Variants in WASF1 observed in about 807,000 individuals in gnomAD.
The protein encoded by WASF1 is actin-binding protein WASF1.
Under a neutral mutation model 50.5 loss-of-function variants are expected in WASF1, and 7 were observed. The observed-to-expected ratio is 0.14, with a 90% CI of 0.08 to 0.26. The LOEUF (loss-of-function observed/expected upper bound fraction) is 0.26, where lower values mean the gene tolerates loss of function less well. WASF1 is among the 10% of genes least tolerant of loss of function. The pLI, the probability that WASF1 is intolerant of heterozygous loss-of-function variation, is 1.00. For missense variants in WASF1, 470 were observed against 694.7 expected, an observed-to-expected ratio of 0.68 and a Z score of 3.64; for synonymous variants, 205 against 244.0, an observed-to-expected ratio of 0.84 and a Z score of 1.49.
chr6:110,153,140 CTA>C (rs1276280811), intron 3 of WASF1, among the ~76,000 whole-genome samples: 2 of 152,102 alleles, frequency 1.3e-5, no homozygotes, highest in African/African-American at 4.8e-5. Flanking sequence ...ATACAAGTCT[CTA>C]TGTGGATATG....
chr6:110,143,144 ATC>A (rs558782662), intron 3 of WASF1, among the ~76,000 whole-genome samples: 14 of 152,024 alleles, frequency 9.2e-5, no homozygotes, highest in South Asian at 2.1e-4. Context: ...AATCTTAATA[ATC>A]TGTTTTTAAT....
At chr6:110,117,083 A>C (rs1773847691) in intron 4 of WASF1, among the ~76,000 whole-genome samples, 1 of 152,188 alleles carries the variant, frequency 6.6e-6, no homozygotes. Flanking sequence ...AAATTCGAAA[A>C]AAAAAACAAA....
At chr6:110,160,212 C>G (rs993578901) in intron 3 of WASF1, among the ~76,000 whole-genome samples, 1 of 151,474 alleles carries the variant, frequency 6.6e-6, no homozygotes, top group East Asian at 1.9e-4. Context: ...AAACTATGAG[C>G]AAGGAAGAAT....
chr6:110,133,656 A>G (rs1293346875), intron 3 of WASF1, among the ~76,000 whole-genome samples: 1 of 151,904 alleles, frequency 6.6e-6, no homozygotes, highest in African/African-American at 2.4e-5. Context: ...CCATTTTCTC[A>G]TGTTTTTTGG....
chr6:110,110,918 C>T (rs553710486), intron 5 of WASF1, among the ~76,000 whole-genome samples: 1 of 151,980 alleles, frequency 6.6e-6, no homozygotes, highest in South Asian at 2.1e-4. Context: ...TTAAGTAGTT[C>T]AGCTTTTAGA....
chr6:110,110,587 T>C (rs570569327), intron 5 of WASF1, among the ~76,000 whole-genome samples: 6 of 152,314 alleles, frequency 3.9e-5, no homozygotes, highest in African/African-American at 1.4e-4. Flanking sequence ...TAACAGACTA[T>C]TGTGGTGAAG....
intron 2 of WASF1, among the ~76,000 whole-genome samples, chr6:110,167,211 C>T (rs963208141): frequency 4.0e-5 from 6 of 151,708 alleles, no homozygotes; most frequent in Non-Finnish European, 7.4e-5. Context: ...TTACATAATA[C>T]TTGATAATAA....
intron 3 of WASF1, among the ~76,000 whole-genome samples, chr6:110,132,148 G>A (rs1774705564): frequency 6.6e-6 from 1 of 151,702 alleles, no homozygotes; most frequent in Non-Finnish European, 1.5e-5. Flanking sequence ...TTATAATACT[G>A]GAACCACAAT....
intron 5 of WASF1, among the ~76,000 whole-genome samples, chr6:110,109,407 A>G (rs1267401350): frequency 6.6e-6 from 1 of 152,210 alleles, no homozygotes; most frequent in Non-Finnish European, 1.5e-5. Flanking sequence ...AAAATAAAAA[A>G]CATACAAAAA....
intron 7 of WASF1, 93 bp from the exon 8 acceptor site, chr6:110,105,672 C>T: frequency 1.7e-6 from 2 of 1,162,630 alleles, no homozygotes; most frequent in Non-Finnish European, 2.5e-6. Flanking sequence ...AACATCAACA[C>T]TGAAAAAGAC....
chr6:110,167,139 C>A (rs2114614069), intron 2 of WASF1, among the ~76,000 whole-genome samples: 1 of 148,750 alleles, frequency 6.7e-6, no homozygotes, highest in South Asian at 2.2e-4. Context: ...GCATTACTCA[C>A]ATATTTGTGG....
At chr6:110,107,300 C>T in intron 6 of WASF1, 106 bp from the exon 7 acceptor site, 1 of 721,194 alleles carries the variant, frequency 1.4e-6, no homozygotes, top group South Asian at 2.1e-5. Context: ...TAAAATACAG[C>T]ATGTTAAAAT....
intron 3 of WASF1, among the ~76,000 whole-genome samples, chr6:110,146,185 A>C (rs1775553156): frequency 6.6e-6 from 1 of 152,244 alleles, no homozygotes; most frequent in Non-Finnish European, 1.5e-5. Context: ...TACTTATTCA[A>C]ACTAAAGGAT....
chr6:110,166,441 T>C (rs1359496928), intron 2 of WASF1, among the ~76,000 whole-genome samples: 3 of 151,882 alleles, frequency 2.0e-5, no homozygotes, highest in East Asian at 1.9e-4. Flanking sequence ...ACTCATTTTA[T>C]AGAGAGCAAG....
chr6:110,143,303 T>C (rs986197078), intron 3 of WASF1, among the ~76,000 whole-genome samples: 1 of 151,984 alleles, frequency 6.6e-6, no homozygotes, highest in Non-Finnish European at 1.5e-5. Context: ...AAAATGAAAC[T>C]ACTGAAATCT....
In WASF1 at chr6:110,160,744, T is replaced by C. The variant is rs1247741558; in HGVS notation, c.-126-12A>G. ...TGATTTCTCCAACACTGTTTAAAAT[T>C]GAGAACAAAAATAATATCCAACATT... is the stretch of plus-strand genomic sequence containing the variant. On this transcript the variant is annotated splice_polypyrimidine_tract_variant and intron_variant, in intron 2 of 10. Transcript: ENST00000392589. The C allele has an allele frequency of 2.0e-5, 3 of 151,742 alleles. No individual in the cohort carries two copies. The highest frequency in any genetic ancestry group is 7.2e-5 in the African/African-American group (3 of 41,386). 9.4% of individuals were successfully genotyped at this position (151,742 alleles called of 1,614,324 possible). A position where few individuals can be genotyped will look rare whatever the true frequency, so the allele number is the denominator to read the frequency against.
chr6:110,137,550 CTTTG>C (rs1231269099), intron 3 of WASF1, among the ~76,000 whole-genome samples: 1 of 152,146 alleles, frequency 6.6e-6, no homozygotes. Flanking sequence ...CAGCTGTAAC[CTTTG>C]TTTCTCTGAT....
chr6:110,140,037 C>CT (rs1775155616), intron 3 of WASF1, among the ~76,000 whole-genome samples: 2 of 152,106 alleles, frequency 1.3e-5, no homozygotes, highest in South Asian at 4.1e-4. Context: ...TAAAGCATTG[C>CT]TTTTTTGTAG....
chr6:110,129,424 T>C (rs550145411), intron 3 of WASF1, among the ~76,000 whole-genome samples: 1 of 152,316 alleles, frequency 6.6e-6, no homozygotes, highest in Admixed American at 6.5e-5. Context: ...TGAGAGCTTC[T>C]AGATATGCAG....
Sources: allele counts gnomAD v4.1 joint callset (sites outside exome capture counted in the v4.1 genomes callset), GRCh38; gene constraint gnomAD v4.1.1; transcripts MANE v1.5; gene names NCBI Gene and HGNC (gene_info 2026-07-23, HGNC 2026-07-21).